TXNRD1: variants seen among roughly 807,000 people sequenced by gnomAD.
TXNRD1 encodes the protein thioredoxin reductase 1.
TXNRD1 carries 57 observed loss-of-function variants against 80.3 expected under a neutral mutation model. The observed-to-expected ratio is 0.71, with a 90% CI of 0.57 to 0.89. The LOEUF is 0.89. Ranked by LOEUF, TXNRD1 falls within the 40% of genes least tolerant of loss-of-function variation. The pLI is 0.00. For missense variants in TXNRD1, 730 were observed against 803.0 expected, an observed-to-expected ratio of 0.91 and a Z score of 1.10; for synonymous variants, 291 against 285.2, an observed-to-expected ratio of 1.02 and a Z score of -0.20.
chr12:104,274,542 A>C (rs1357257460), intron 3 of TXNRD1, among the ~76,000 whole-genome samples: 1 of 151,408 alleles, frequency 6.6e-6, no homozygotes, highest in South Asian at 2.1e-4. Flanking sequence ...ATAAAATACA[A>C]AAAAAAATTA....
At chr12:104,304,411 A>G in intron 4 of TXNRD1, 1 of 1,614,050 alleles carries the variant, frequency 6.2e-7, no homozygotes. Flanking sequence ...AGGAAGCAAC[A>G]TCCTGGATGG....
At position 104,315,730 on chromosome 12, in the gene TXNRD1, A is replaced by G. The variant is rs530950713; in HGVS notation, c.611-47A>G. 1.1e-5 allele frequency: 17 copies of G among 1,574,096 alleles called. No individual in the cohort carries two copies. In the South Asian group the frequency reaches 1.8e-4, roughly 17 times the overall value. On this transcript the variant is annotated intron_variant, in intron 6 of 16. Coordinates refer to ENST00000525566, the MANE Select transcript of TXNRD1 (RefSeq NM_001093771.3). The stretch of plus-strand genomic sequence containing the variant: ...TTGACTTTGTTCTTTGAATGTTTGT[A>G]AGGCTTGGAAAGCAGGTTATAAACT...
At chr12:104,304,280 CAGTT>C in intron 4 of TXNRD1, 2 of 1,613,994 alleles carry the variant, frequency 1.2e-6, no homozygotes, top group East Asian at 2.2e-5. Context: ...CTTCTTTAAT[CAGTT>C]AGCATTTTGT....
At chr12:104,303,891 G>C (rs1368285188) in intron 4 of TXNRD1, 11 of 1,533,186 alleles carry the variant, frequency 7.2e-6, no homozygotes, top group Non-Finnish European at 7.8e-6. Context: ...ATCATCCCCG[G>C]TAGCGAGTAC....
At chr12:104,297,607 C>T (rs898776058) in intron 4 of TXNRD1, among the ~76,000 whole-genome samples, 1 of 151,986 alleles carries the variant, frequency 6.6e-6, no homozygotes, top group African/African-American at 2.4e-5. Flanking sequence ...TCAGGTGATC[C>T]GCCTGCGTCA....
chr12:104,250,872 G>A (rs1341519410), intron 1 of TXNRD1, among the ~76,000 whole-genome samples: 5 of 152,188 alleles, frequency 3.3e-5, no homozygotes, highest in Admixed American at 1.3e-4. Context: ...ATCTCTTGGT[G>A]GTTTTGACTG....
chr12:104,289,175 C>T (rs1334469948), intron 4 of TXNRD1, 135 bp downstream of exon 4: 3 of 1,045,610 alleles, frequency 2.9e-6, no homozygotes, highest in Non-Finnish European at 4.1e-6. Flanking sequence ...ACGAAAAACG[C>T]TCGTGGGCTA....
chr12:104,250,595 T>A (rs1488190540), intron 1 of TXNRD1, among the ~76,000 whole-genome samples: 1 of 152,176 alleles, frequency 6.6e-6, no homozygotes, highest in Non-Finnish European at 1.5e-5. Context: ...GGGATGATGG[T>A]AGCAGTGCCC....
At chr12:104,287,744 T>C (rs2034025234) in intron 3 of TXNRD1, among the ~76,000 whole-genome samples, 1 of 152,112 alleles carries the variant, frequency 6.6e-6, no homozygotes, top group African/African-American at 2.4e-5. Flanking sequence ...AGGACAGTGA[T>C]TAAACGCGTC....
chr12:104,290,014 C>G (rs1218448956), intron 4 of TXNRD1, among the ~76,000 whole-genome samples: 1 of 152,224 alleles, frequency 6.6e-6, no homozygotes, highest in Non-Finnish European at 1.5e-5. Flanking sequence ...GGTAGATTAC[C>G]AGGTTAGAAA....
chr12:104,304,450 T>C, intron 4 of TXNRD1: 3 of 1,614,042 alleles, frequency 1.9e-6, no homozygotes, highest in South Asian at 1.1e-5. Context: ...ATTTTGTTTT[T>C]GGTTCATTCA....
chr12:104,304,561 C>T (rs760835291), intron 4 of TXNRD1: 2 of 1,614,010 alleles, frequency 1.2e-6, no homozygotes, highest in Non-Finnish European at 1.7e-6. Flanking sequence ...AGAAGTTGGA[C>T]CTGAGTAGTT....
intron 2 of TXNRD1, among the ~76,000 whole-genome samples, chr12:104,254,665 A>C (rs2033212305): frequency 7.4e-6 from 1 of 134,782 alleles, no homozygotes; most frequent in Non-Finnish European, 1.5e-5. Context: ...ATATATATAT[A>C]TCAGCATGGT....
At chr12:104,316,812 T>C (rs1415502838) in intron 7 of TXNRD1, among the ~76,000 whole-genome samples, 1 of 152,204 alleles carries the variant, frequency 6.6e-6, no homozygotes, top group African/African-American at 2.4e-5. Flanking sequence ...CTCCAACCCC[T>C]ATGTGATTTG....
chr12:104,319,455 T>C lies in TXNRD1; in HGVS notation c.874-15T>C, dbSNP rs1194286622. ...ATGATTACTTAATAAGGTTTTCATA[T>C]TGGTTCCTTTGTAGGCAACAAATAA... On this transcript the variant is annotated splice_polypyrimidine_tract_variant and intron_variant, in intron 8 of 16. Coordinates refer to ENST00000525566, the MANE Select transcript of TXNRD1 (RefSeq NM_001093771.3). 34 of 1,502,188 alleles carry C rather than the reference T, an allele frequency of 2.3e-5. No homozygotes were observed. The highest frequency in any genetic ancestry group is 3.0e-5 in the Non-Finnish European group (33 of 1,100,728). 93.1% of individuals were successfully genotyped at this position (1,502,188 alleles called of 1,614,324 possible).
intron 7 of TXNRD1, 65 bp from the exon 8 acceptor site, chr12:104,318,848 T>C: frequency 6.4e-7 from 1 of 1,557,834 alleles, no homozygotes; most frequent in South Asian, 1.2e-5. Flanking sequence ...TGAGTGGTTA[T>C]TGAGAAATGA....
intron 10 of TXNRD1, among the ~76,000 whole-genome samples, chr12:104,322,802 T>C (rs1272362506): frequency 2.6e-5 from 4 of 152,096 alleles, no homozygotes; most frequent in Non-Finnish European, 4.4e-5. Context: ...ATACAATTTT[T>C]TTTTTTTAAT....
rs2036567511 is a variant in TXNRD1 at position 104,348,662 on chromosome 12, A to G, written c.*241A>G. 4 of 508,878 alleles carry G rather than the reference A, an allele frequency of 7.9e-6. No homozygotes were observed. In the South Asian group the frequency reaches 1.1e-4, roughly 14 times the overall value. The allele number at this position is 508,878 out of a possible 1,614,324, so 31.5% of individuals were successfully genotyped here. On this transcript the variant is annotated 3_prime_UTR_variant, in exon 17 of 17. Coordinates refer to ENST00000525566, the MANE Select transcript of TXNRD1 (RefSeq NM_001093771.3). ...ATTTGGCAGGGCATCGAAGGGATGC[A>G]TCCATGAAGTCACCAGTCTCAAGCC...
At chr12:104,298,956 G>A (rs1016019753) in intron 4 of TXNRD1, among the ~76,000 whole-genome samples, 2 of 152,184 alleles carry the variant, frequency 1.3e-5, no homozygotes, top group Middle Eastern at 3.4e-3. Flanking sequence ...GGTATCTTCA[G>A]GGGATTGGTT....
Sources: gnomAD v4.1 joint callset for allele counts (sites outside exome capture counted in the v4.1 genomes callset) on GRCh38, gnomAD v4.1.1 for gene constraint, MANE v1.5 for transcripts, NCBI Gene and HGNC (gene_info 2026-07-23, HGNC 2026-07-21) for gene names.